The following HSD11B2 variants were observed in gnomAD, a reference collection of about 807,000 sequenced individuals.
HSD11B2 encodes the protein 11-beta-hydroxysteroid dehydrogenase type 2.
A neutral mutation model predicts 20.9 loss-of-function variants in HSD11B2; 17 were observed. That is an observed-to-expected ratio of 0.81 (90% CI 0.56 to 1.22). The LOEUF (loss-of-function observed/expected upper bound fraction) is 1.22. Among genes scored for constraint, HSD11B2 ranks in the 50% most tolerant of loss-of-function variants. The pLI is 0.00. For missense variants in HSD11B2, 480 were observed against 563.6 expected (o/e 0.85, Z 1.50); for synonymous variants, 253 against 255.4 (o/e 0.99, Z 0.09).
chr16:67,431,395 GCGCCTGCTGCCCC>G lies in HSD11B2; in HGVS notation c.152_164del (p.Leu51ArgfsTer62). ...TGGCCGCGCTCGACTGGCTGTGCCA[GCGCCTGCTGCCCC>G]CGCCGGCCGCACTCGCCGTGCTGGC... On this transcript the variant is annotated frameshift_variant, in exon 1 of 5. Transcript: ENST00000326152. LOFTEE classifies it high-confidence loss of function. 2 of 1,267,828 alleles carry G rather than the reference GCGCCTGCTGCCCC, an allele frequency of 1.6e-6. No homozygotes were observed. The highest frequency in any genetic ancestry group is 2.0e-6 in the Non-Finnish European group (2 of 1,006,596). The allele number at this position is 1,267,828 out of a possible 1,614,324, so 78.5% of individuals were successfully genotyped here.
At chr16:67,433,847 C>A (rs927593011) in intron 1 of HSD11B2, among the ~76,000 whole-genome samples, 1 of 151,712 alleles carries the variant, frequency 6.6e-6, no homozygotes, top group Non-Finnish European at 1.5e-5. Flanking sequence ...GATGGGGAGA[C>A]CGTACTGAGC....
chr16:67,436,158 C>G lies in HSD11B2; in HGVS notation c.664+16C>G, dbSNP rs199942060. Reference sequence around the variant, plus strand: ...AGCCCAGCGGGTGAGTGCCCCCCCCCACTGGAGCAAAAAGGAGCCCCCTGG... The same window carrying G: ...AGCCCAGCGGGTGAGTGCCCCCCCCGACTGGAGCAAAAAGGAGCCCCCTGG... On this transcript the variant is annotated intron_variant, in intron 3 of 4. Coordinates refer to ENST00000326152, the MANE Select transcript of HSD11B2 (RefSeq NM_000196.4). This position sits in a 1 kb window ranked among gnomAD's most constrained non-coding sequence, Gnocchi z 5.7. 5.5e-5 allele frequency: 89 copies of G among 1,613,578 alleles called. No individual in the cohort carries two copies. In the East Asian group the frequency reaches 1.5e-3, roughly 27 times the overall value.
intron 1 of HSD11B2, among the ~76,000 whole-genome samples, chr16:67,432,166 T>A (rs577063639): frequency 2.2e-4 from 33 of 152,196 alleles, no homozygotes; most frequent in African/African-American, 7.9e-4. Context: ...GAAGGAGCTC[T>A]TAGAGAGCTG....
rs775724453 is a variant in HSD11B2 at position 67,435,679 on chromosome 16, G to C, written c.317G>C (p.Gly106Ala). 3 of 1,613,760 alleles carry C rather than the reference G, an allele frequency of 1.9e-6. No individual in the cohort carries two copies. Among genetic ancestry groups the C allele is most frequent in the Non-Finnish European group, 2.5e-6 (3 of 1,180,008 alleles). ...ACGGCCAAGAAACTGGACTCCATGG[G>C]CTTCACGGTGCTGGCCACCGTATTG... is the stretch of plus-strand genomic sequence containing the variant. Reference protein sequence around the residue: ...KETAKKLDSMGFTVLATVLEL... With the variant: ...KETAKKLDSMAFTVLATVLEL... Residue 106 changes from glycine to alanine, a missense_variant, in exon 2 of 5, where the codon GGC becomes GCC. Gly to Ala is a moderately conservative substitution (Grantham distance 60). Around this residue, in one of 2 missense-constraint regions of HSD11B2, gnomAD observed 374 missense variants for 480.9 expected, o/e 0.78. Transcript: ENST00000326152.
Position 67,437,020 on chromosome 16 carries a change from GC to G in HSD11B2, c.*20del, listed in dbSNP as rs765690117. The G allele has an allele frequency of 1.2e-6, 2 of 1,604,142 alleles. No homozygotes were observed. The highest frequency in any genetic ancestry group is 1.7e-6 in the Non-Finnish European group (2 of 1,179,394). On this transcript the variant is annotated 3_prime_UTR_variant, in exon 5 of 5. Transcript: ENST00000326152. ...GCTCGGTGAGCCATGTGCACCTATGGCCCAGCCACTGCAGCACAGGAGGCTC... is the reference window on the plus strand; with the variant it reads ...GCTCGGTGAGCCATGTGCACCTATGGCCAGCCACTGCAGCACAGGAGGCTC...
Position 67,436,123 on chromosome 16 carries a change from G to A in HSD11B2, c.645G>A (p.Val215=). 6 of 1,613,884 alleles carry A rather than the reference G, an allele frequency of 3.7e-6. No individual in the cohort carries two copies. Among genetic ancestry groups the A allele is most frequent in the Non-Finnish European group, 5.1e-6 (6 of 1,179,976 alleles). ...TGCGCAGCTCAAGGGGCCGCATCGT[G>A]ACTGTGGGGAGCCCAGCGGGTGAGT... ...PLLRSSRGRI[V]TVGSPAGDMP... Residue 215 remains valine (V), a synonymous_variant, in exon 3 of 5, where the codon GTG becomes GTA. Transcript: ENST00000326152. The surrounding 1 kb of genome is among the most constrained non-coding windows in gnomAD (Gnocchi z 5.7).
chr16:67,429,826 C>A (rs116931154), upstream of HSD11B2, among the ~76,000 whole-genome samples: 5 of 152,324 alleles, frequency 3.3e-5, no homozygotes, highest in East Asian at 7.7e-4. Flanking sequence ...CACCAGGGGG[C>A]TGTGTCTGGT....
At position 67,436,580 on chromosome 16, in the gene HSD11B2, T is replaced by C. The variant is rs1198265040; in HGVS notation, c.803-8T>C. On this transcript the variant is annotated splice_polypyrimidine_tract_variant and splice_region_variant and intron_variant, in intron 4 of 4. Transcript: ENST00000326152. This position sits in a 1 kb window ranked among gnomAD's most constrained non-coding sequence, Gnocchi z 5.7. Reference sequence around the variant, plus strand: ...GATCCCACTCTGACCTTGCCACTCCTTCCCCAGAGTCAGTGAGAAACGTGG... The same window carrying C: ...GATCCCACTCTGACCTTGCCACTCCCTCCCCAGAGTCAGTGAGAAACGTGG... 1 of 1,613,978 alleles carries C rather than the reference T, an allele frequency of 6.2e-7. No homozygotes were observed. Among genetic ancestry groups the C allele is most frequent in the Non-Finnish European group, 8.5e-7 (1 of 1,179,932 alleles).
intron 2 of HSD11B2, 26 bp from the exon 3 acceptor site, chr16:67,435,931 T>A: frequency 6.2e-7 from 1 of 1,614,066 alleles, no homozygotes; most frequent in Non-Finnish European, 8.5e-7. Flanking sequence ...GACCTAAGGC[T>A]TCCCTCCTCT....
In HSD11B2 at chr16:67,431,346, C is replaced by A; in HGVS notation, c.98C>A (p.Pro33Gln). 1 of 1,241,000 alleles carries A rather than the reference C, an allele frequency of 8.1e-7. No individual in the cohort carries two copies. The highest frequency in any genetic ancestry group is 2.2e-5 in the South Asian group (1 of 45,652). 76.9% of individuals were successfully genotyped at this position (1,241,000 alleles called of 1,614,324 possible). The stretch of plus-strand genomic sequence containing the variant: ...CGCTCAGACCTGCGTCTGGGCCGCC[C>A]GCTGCTGGCGGCGCTGGCGCTGCTG... ...LLRSDLRLGR[P>Q]LLAALALLAA... Residue 33 changes from proline to glutamine, a missense_variant, in exon 1 of 5, where the codon CCG becomes CAG. Physicochemically the swap from Pro to Gln is moderately conservative, Grantham distance 76. This residue lies in a region of HSD11B2 where 106 missense variants were observed against 82.8 expected (regional missense o/e 1.28). Coordinates refer to ENST00000326152, the MANE Select transcript of HSD11B2 (RefSeq NM_000196.4).
In HSD11B2 at chr16:67,431,317, G is replaced by A. The variant is rs759646288; in HGVS notation, c.69G>A (p.Leu23=). ...LLVAARALLQ[L]LRSDLRLGRP... Reference sequence around the variant, plus strand: ...TGGCTGCCCGCGCGCTGCTGCAGCTGCTGCGCTCAGACCTGCGTCTGGGCC... The same window carrying A: ...TGGCTGCCCGCGCGCTGCTGCAGCTACTGCGCTCAGACCTGCGTCTGGGCC... The change falls in exon 1 of 5, where the codon CTG becomes CTA. Residue 23 remains leucine (L), a synonymous_variant. Transcript: ENST00000326152. The A allele has an allele frequency of 8.7e-6, 11 of 1,260,326 alleles. No homozygotes were observed. The highest frequency in any genetic ancestry group is 2.1e-5 in the South Asian group (1 of 48,542). 78.1% of individuals were successfully genotyped at this position (1,260,326 alleles called of 1,614,324 possible). A position where few individuals can be genotyped will look rare whatever the true frequency, so the allele number is the denominator to read the frequency against.
Position 67,436,410 on chromosome 16 carries a change from G to T in HSD11B2, c.802+24G>T. The T allele has an allele frequency of 6.5e-7, 1 of 1,526,992 alleles. No homozygotes were observed. Among genetic ancestry groups the T allele is most frequent in the Non-Finnish European group, 8.9e-7 (1 of 1,122,424 alleles). The allele number at this position is 1,526,992 out of a possible 1,614,324, so 94.6% of individuals were successfully genotyped here. ...AGGTGGGAATCAGGGCTGGGGGTGG[G>T]GTGGGGGTGGGGAATGGGGCTGGGA... On this transcript the variant is annotated intron_variant, in intron 4 of 4. Coordinates refer to ENST00000326152, the MANE Select transcript of HSD11B2 (RefSeq NM_000196.4). This position sits in a 1 kb window ranked among gnomAD's most constrained non-coding sequence, Gnocchi z 5.7.
chr16:67,431,594 G>A (rs1053081160), intron 1 of HSD11B2, 81 bp downstream of exon 1: 29 of 1,188,602 alleles, frequency 2.4e-5, no homozygotes, highest in Middle Eastern at 2.7e-4. Context: ...CTCCCCATGG[G>A]CACAGCCAAG....
intron 1 of HSD11B2, among the ~76,000 whole-genome samples, chr16:67,434,542 G>A (rs1217218740): frequency 6.6e-6 from 1 of 152,208 alleles, no homozygotes; most frequent in Admixed American, 6.5e-5. Flanking sequence ...ACTACAGAAG[G>A]GGCTGCTTCA....
In HSD11B2 at chr16:67,431,285, C is replaced by T; in HGVS notation, c.37C>T (p.Leu13=). Residue 13 remains leucine, a synonymous_variant, in exon 1 of 5, where the codon CTG becomes TTG. Transcript: ENST00000326152. ...RWPWPSGGAW[L]LVAARALLQL... ...GCCTTGGCCGTCGGGCGGCGCCTGG[C>T]TGCTCGTGGCTGCCCGCGCGCTGCT... The T allele has an allele frequency of 7.9e-7, 1 of 1,267,304 alleles. No homozygotes were observed. Among genetic ancestry groups the T allele is most frequent in the Non-Finnish European group, 1.0e-6 (1 of 996,394 alleles). 78.5% of individuals were successfully genotyped at this position (1,267,304 alleles called of 1,614,324 possible). A position where few individuals can be genotyped will look rare whatever the true frequency, so the allele number is the denominator to read the frequency against.
Position 67,435,667 on chromosome 16 carries a change from T to G in HSD11B2, c.305T>G (p.Leu102Arg). 6.2e-7 allele frequency: 1 copy of G among 1,613,868 alleles called. No homozygotes were observed. Among genetic ancestry groups the G allele is most frequent in the East Asian group, 2.2e-5 (1 of 44,876 alleles). The change falls in exon 2 of 5, where the codon CTG (leucine) becomes CGG (arginine). Residue 102 changes from leucine (L) to arginine (R), a missense_variant. By Grantham distance (102) the Leu-to-Arg change is moderately radical. This residue lies in a region of HSD11B2 where 374 missense variants were observed against 480.9 expected (regional missense o/e 0.78). Coordinates refer to ENST00000326152, the MANE Select transcript of HSD11B2 (RefSeq NM_000196.4). The stretch of plus-strand genomic sequence containing the variant: ...TTTGGCAAGGAGACGGCCAAGAAAC[T>G]GGACTCCATGGGCTTCACGGTGCTG... The part of the protein sequence containing the change: ...SGFGKETAKK[L>R]DSMGFTVLAT...
At position 67,436,259 on chromosome 16, in the gene HSD11B2, A is replaced by G. The variant is rs374636037; in HGVS notation, c.675A>G (p.Pro225=). 1.8e-5 allele frequency: 29 copies of G among 1,613,916 alleles called. No individual in the cohort carries two copies. In the African/African-American group the frequency reaches 2.9e-4, roughly 16 times the overall value. Residue 225 remains proline (P), a synonymous_variant, in exon 4 of 5, where the codon CCA becomes CCG. Transcript: ENST00000326152. The surrounding 1 kb of genome is among the most constrained non-coding windows in gnomAD (Gnocchi z 5.7). ...CCAATCCATCCGCAGGGGACATGCC[A>G]TATCCGTGCTTGGGGGCCTATGGAA... is the stretch of plus-strand genomic sequence containing the variant. ...VTVGSPAGDM[P]YPCLGAYGTS... is the part of the protein sequence containing the mutation.
chr16:67,431,295 C>T lies in HSD11B2; in HGVS notation c.47C>T (p.Ala16Val). 7.9e-7 allele frequency: 1 copy of T among 1,266,552 alleles called. No individual in the cohort carries two copies. Among genetic ancestry groups the T allele is most frequent in the Non-Finnish European group, 1.0e-6 (1 of 995,998 alleles). The allele number at this position is 1,266,552 out of a possible 1,614,324, so 78.5% of individuals were successfully genotyped here. A position where few individuals can be genotyped will look rare whatever the true frequency, so the allele number is the denominator to read the frequency against. ...TCGGGCGGCGCCTGGCTGCTCGTGG[C>T]TGCCCGCGCGCTGCTGCAGCTGCTG... ...WPSGGAWLLV[A>V]ARALLQLLRS... The change falls in exon 1 of 5, where the codon GCT becomes GTT. Residue 16 changes from alanine to valine, a missense_variant. By Grantham distance (64) the Ala-to-Val change is moderately conservative (BLOSUM62 0). Transcript: ENST00000326152.
chr16:67,431,582 G>C, intron 1 of HSD11B2, 69 bp downstream of exon 1: 2 of 1,232,690 alleles, frequency 1.6e-6, no homozygotes, highest in Non-Finnish European at 2.0e-6. Context: ...CAACAGGACT[G>C]ACTCCCCATG....
Sources: allele counts gnomAD v4.1 joint callset (sites outside exome capture counted in the v4.1 genomes callset), GRCh38; gene constraint gnomAD v4.1.1; regional missense constraint gnomAD v4.1.1; non-coding constraint Gnocchi (gnomAD v3.1); transcripts MANE v1.5; gene names NCBI Gene and HGNC (gene_info 2026-07-23, HGNC 2026-07-21).